GREB1L: variants seen among roughly 807,000 people sequenced by gnomAD.
The protein encoded by GREB1L is GREB1 like retinoic acid receptor coactivator, also known as GREB1-like protein.
A neutral mutation model predicts 200.8 loss-of-function variants in GREB1L; 17 were observed. The ratio of observed to expected loss-of-function variants is 0.08; its 90% CI spans 0.06 to 0.13. The LOEUF is 0.13. Among genes scored for constraint, GREB1L ranks in the 10% least tolerant of loss-of-function variants. The pLI is 1.00. For missense variants in GREB1L, 1,657 were observed against 2,367.7 expected (o/e 0.70, Z 6.23); for synonymous variants, 789 against 893.0 (o/e 0.88, Z 2.08).
At chr18:21,482,642 ATTTTTTTTTT>A (rs35313539) in intron 17 of GREB1L, among the ~76,000 whole-genome samples, 1 of 118,100 alleles carries the variant, frequency 8.5e-6, no homozygotes, top group Non-Finnish European at 1.7e-5. Flanking sequence ...TAGATTACAG[ATTTTTTTTTT>A]TTTTTTTTTT....
intron 1 of GREB1L, among the ~76,000 whole-genome samples, chr18:21,329,918 C>G (rs1330769616): frequency 2.7e-5 from 4 of 150,934 alleles, no homozygotes; most frequent in Non-Finnish European, 5.9e-5. Context: ...TGGAGTATAT[C>G]CTACATTCCA....
intron 5 of GREB1L, among the ~76,000 whole-genome samples, chr18:21,398,996 T>C (rs1481611707): frequency 6.6e-6 from 1 of 152,216 alleles, no homozygotes; most frequent in Non-Finnish European, 1.5e-5. Flanking sequence ...TCTAACTCTT[T>C]TATGTTGTTA....
At chr18:21,407,938 G>A (rs1283503093) in intron 7 of GREB1L, among the ~76,000 whole-genome samples, 1 of 152,174 alleles carries the variant, frequency 6.6e-6, no homozygotes, top group African/African-American at 2.4e-5. Context: ...GAGACAGAGA[G>A]TAGAATGATG....
chr18:21,509,700 T>A (rs1012823709), intron 27 of GREB1L, among the ~76,000 whole-genome samples: 15 of 152,276 alleles, frequency 9.9e-5, no homozygotes, highest in Admixed American at 3.9e-4. Flanking sequence ...CCTATACTCA[T>A]ACTAACTGAA....
intron 7 of GREB1L, among the ~76,000 whole-genome samples, chr18:21,436,406 G>C (rs1417953578): frequency 6.6e-6 from 1 of 152,136 alleles, no homozygotes; most frequent in African/African-American, 2.4e-5. Flanking sequence ...GGCCAAGGCA[G>C]GAGGATCATT....
At chr18:21,267,114 A>G (rs2037981553) in intron 1 of GREB1L, among the ~76,000 whole-genome samples, 1 of 150,220 alleles carries the variant, frequency 6.7e-6, no homozygotes, top group Non-Finnish European at 1.5e-5. Flanking sequence ...TTGTATGTTT[A>G]GTAGAGACAG....
chr18:21,382,620 T>C (rs1357523250), intron 2 of GREB1L, among the ~76,000 whole-genome samples: 1 of 151,560 alleles, frequency 6.6e-6, no homozygotes, highest in Non-Finnish European at 1.5e-5. Context: ...GCCTCCTGAG[T>C]AGCTGGGACT....
intron 1 of GREB1L, among the ~76,000 whole-genome samples, chr18:21,270,327 G>A (rs1178903714): frequency 6.6e-6 from 1 of 152,186 alleles, no homozygotes; most frequent in Non-Finnish European, 1.5e-5. Context: ...CAGAGATGTA[G>A]AGGCAGAAAA....
intron 7 of GREB1L, among the ~76,000 whole-genome samples, chr18:21,411,396 C>T (rs560115210): frequency 2.0e-5 from 3 of 151,960 alleles, no homozygotes; most frequent in East Asian, 2.0e-4. Context: ...TTAGTAGAGA[C>T]GGGGTTTCAC....
At chr18:21,452,044 ATCCT>A in intron 13 of GREB1L, 35 bp from the exon 14 acceptor site, 1 of 1,544,454 alleles carries the variant, frequency 6.5e-7, no homozygotes, top group African/African-American at 1.4e-5. Context: ...AAACAAACAT[ATCCT>A]TCCTTGTAAC....
Position 21,505,839 on chromosome 18 carries a change from C to T in GREB1L, c.4258C>T (p.Pro1420Ser), listed in dbSNP as rs1214953177. The part of the protein sequence containing the change: ...EVIKESKVEE[P>S]RKRETVSIML... Reference sequence around the variant, plus strand: ...GATAAAGGAATCCAAAGTTGAAGAGCCCAGGAAACGGGAAACTGTATCCAT... The same window carrying T: ...GATAAAGGAATCCAAAGTTGAAGAGTCCAGGAAACGGGAAACTGTATCCAT... Residue 1420 changes from proline to serine, a missense_variant, in exon 25 of 33, where the codon CCC becomes TCC. This residue lies in a region of GREB1L where 512 missense variants were observed against 668.3 expected (regional missense o/e 0.77). Transcript: ENST00000424526. The T allele has an allele frequency of 6.4e-7, 1 of 1,551,708 alleles. No homozygotes were observed. Among genetic ancestry groups the T allele is most frequent in the Non-Finnish European group, 8.7e-7 (1 of 1,146,884 alleles).
At chr18:21,277,804 T>C (rs943180288) in intron 1 of GREB1L, among the ~76,000 whole-genome samples, 2 of 152,216 alleles carry the variant, frequency 1.3e-5, no homozygotes, top group Non-Finnish European at 2.9e-5. Context: ...GACTTGTCTG[T>C]CTGCCCAATT....
chr18:21,504,647 G>C (rs773432874), intron 23 of GREB1L, among the ~76,000 whole-genome samples: 14 of 152,168 alleles, frequency 9.2e-5, no homozygotes, highest in Non-Finnish European at 1.5e-4. Context: ...ACCAGCTTAG[G>C]CAATACAGTA....
At chr18:21,409,103 C>T (rs187220697) in intron 7 of GREB1L, among the ~76,000 whole-genome samples, 1 of 152,244 alleles carries the variant, frequency 6.6e-6, no homozygotes, top group Admixed American at 6.5e-5. Context: ...TTCGTTATAA[C>T]AAAAAGCTAG....
At chr18:21,366,838 A>G (rs2039697958) in intron 2 of GREB1L, among the ~76,000 whole-genome samples, 2 of 152,140 alleles carry the variant, frequency 1.3e-5, no homozygotes, top group Non-Finnish European at 2.9e-5. Context: ...GCCAAAAAGA[A>G]CAAGAGGGTC....
chr18:21,494,005 G>C (rs544507036), intron 19 of GREB1L, among the ~76,000 whole-genome samples: 11 of 151,446 alleles, frequency 7.3e-5, no homozygotes, highest in African/African-American at 2.2e-4. Context: ...AACACATTCA[G>C]GGAGAAACCC....
chr18:21,393,369 T>C (rs2040908231), intron 4 of GREB1L, among the ~76,000 whole-genome samples: 1 of 152,190 alleles, frequency 6.6e-6, no homozygotes, highest in Non-Finnish European at 1.5e-5. Flanking sequence ...CGATCTTGGC[T>C]CACTGCAACC....
intron 1 of GREB1L, among the ~76,000 whole-genome samples, chr18:21,245,886 T>A (rs1598601519): frequency 1.3e-5 from 2 of 151,848 alleles, no homozygotes; most frequent in East Asian, 3.9e-4. Flanking sequence ...CCTGGCTAAT[T>A]TTTTGTATTT....
At chr18:21,341,252 A>C (rs1343971614) in intron 1 of GREB1L, among the ~76,000 whole-genome samples, 1 of 152,214 alleles carries the variant, frequency 6.6e-6, no homozygotes, top group East Asian at 1.9e-4. Flanking sequence ...ACTTGATAGG[A>C]TAGATACCTG....
Sources: gnomAD v4.1 joint callset for allele counts (sites outside exome capture counted in the v4.1 genomes callset) on GRCh38, gnomAD v4.1.1 for gene constraint, gnomAD v4.1.1 regional missense constraint, MANE v1.5 for transcripts, NCBI Gene and HGNC (gene_info 2026-07-23, HGNC 2026-07-21) for gene names.